PRSS56: variants seen among roughly 807,000 people sequenced by gnomAD.
PRSS56 encodes protease, serine 56.
PRSS56 carries 55 observed loss-of-function variants against 66.8 expected under a neutral mutation model. That is an observed-to-expected ratio of 0.82 (90% CI 0.66 to 1.03). The LOEUF is 1.03. Ranked by LOEUF, PRSS56 falls within the 50% of genes least tolerant of loss-of-function variation. PRSS56 has a pLI of 0.00. For synonymous variants in PRSS56, 409 were observed against 387.9 expected, an observed-to-expected ratio of 1.05 and a Z score of -0.64; for missense variants, 869 against 837.2, an observed-to-expected ratio of 1.04 and a Z score of -0.47.
At position 232,525,617 on chromosome 2, in the gene PRSS56, G is replaced by A. The variant is rs1691416004; in HGVS notation, c.*111G>A. 1 of 695,000 alleles carries A rather than the reference G, an allele frequency of 1.4e-6. No homozygotes were observed. The highest frequency in any genetic ancestry group is 3.0e-5 in the East Asian group (1 of 32,976). 43.1% of individuals were successfully genotyped at this position (695,000 alleles called of 1,614,324 possible). ...CTGCCCCAGTGGCTGGGTGTGTGTG[G>A]GTGGGATGGGGTGGGGGTCCTGGGC... On this transcript the variant is annotated 3_prime_UTR_variant, in exon 13 of 13. Transcript: ENST00000617714.
chr2:232,523,424 G>C lies in PRSS56; in HGVS notation c.858G>C (p.Ser286=), dbSNP rs1574623495. The change falls in exon 8 of 13, where the codon TCG becomes TCC. Residue 286 remains serine, a synonymous_variant. Coordinates refer to ENST00000617714, the MANE Select transcript of PRSS56 (RefSeq NM_001195129.2). ...CTCTCTTGGCCCCGCAGGGTGACTC[G>C]GGAGGCCCCCTGACCTGTTCTGAGC... is the stretch of plus-strand genomic sequence containing the variant. ...AGGVDSCQGD[S]GGPLTCSEPG... 3.5e-6 allele frequency: 5 copies of C among 1,445,216 alleles called. No homozygotes were observed. Among genetic ancestry groups the C allele is most frequent in the Non-Finnish European group, 4.5e-6 (5 of 1,102,286 alleles). The allele number at this position is 1,445,216 out of a possible 1,614,324, so 89.5% of individuals were successfully genotyped here.
At chr2:232,523,286 A>G (rs935373968) in intron 7 of PRSS56, 84 bp downstream of exon 7, 1 of 1,419,710 alleles carries the variant, frequency 7.0e-7, no homozygotes, top group Non-Finnish European at 9.2e-7. Flanking sequence ...TCTGTCTGTC[A>G]CTCGACTTCT....
Position 232,523,187 on chromosome 2 carries a change from C to T in PRSS56, c.834C>T (p.Gly278=), listed in dbSNP as rs1691323958. ...TMLCAGYLAG[G]VDSCQGDSGG... is the part of the protein sequence containing the mutation. ...TCTGCGCCGGGTACCTGGCGGGGGGCGTTGACTCGTGCCAGGTATGAACCC... is the reference window on the plus strand; with the variant it reads ...TCTGCGCCGGGTACCTGGCGGGGGGTGTTGACTCGTGCCAGGTATGAACCC... Residue 278 remains glycine, a synonymous_variant, in exon 7 of 13, where the codon GGC becomes GGT. Transcript: ENST00000617714. The T allele has an allele frequency of 4.1e-6, 6 of 1,475,552 alleles. No individual in the cohort carries two copies. Among genetic ancestry groups the T allele is most frequent in the African/African-American group, 1.4e-5 (1 of 70,802 alleles). 91.4% of individuals were successfully genotyped at this position (1,475,552 alleles called of 1,614,324 possible).
At position 232,520,701 on chromosome 2, in the gene PRSS56, T is replaced by C. The variant is rs1361112934; in HGVS notation, c.97+6T>C. The C allele has an allele frequency of 1.3e-6, 2 of 1,519,024 alleles. No homozygotes were observed. The highest frequency in any genetic ancestry group is 2.5e-5 in the East Asian group (1 of 40,508). The allele number at this position is 1,519,024 out of a possible 1,614,324, so 94.1% of individuals were successfully genotyped here. A position where few individuals can be genotyped will look rare whatever the true frequency, so the allele number is the denominator to read the frequency against. ...GCCCCCCAGCGCCCTGCAAGGTAAG[T>C]CCAGGCTGGCCCGAGAGCCGCGGGG... On this transcript the variant is annotated splice_donor_region_variant and intron_variant, in intron 1 of 12. Coordinates refer to ENST00000617714, the MANE Select transcript of PRSS56 (RefSeq NM_001195129.2).
chr2:232,523,365 A>G lies in PRSS56; in HGVS notation c.850-51A>G, dbSNP rs1691328078. 5 of 1,427,676 alleles carry G rather than the reference A, an allele frequency of 3.5e-6. No homozygotes were observed. In the Admixed American group the frequency reaches 8.8e-5, roughly 25 times the overall value. The allele number at this position is 1,427,676 out of a possible 1,614,324, so 88.4% of individuals were successfully genotyped here. On this transcript the variant is annotated intron_variant, in intron 7 of 12. Transcript: ENST00000617714. ...AGCTCACACCTGCCAGGCGTAAGGC[A>G]GGCGTCATAGGGGGCAGGTGAATGC...
In PRSS56 at chr2:232,524,312, C is replaced by T. The variant is rs1385205340; in HGVS notation, c.1357C>T (p.Arg453Trp). 6.5e-7 allele frequency: 1 copy of T among 1,535,730 alleles called. No individual in the cohort carries two copies. Among genetic ancestry groups the T allele is most frequent in the Admixed American group, 2.0e-5 (1 of 50,994 alleles). ...ARELRLHSGS[R>W]AAGTRFPKRR... ...CTAACCCTGTGCCTCCCCAGGATCG[C>T]GGGCTGCAGGCACTCGGTTCCCGAA... The change falls in exon 11 of 13, where the codon CGG (arginine) becomes TGG (tryptophan). Residue 453 changes from arginine to tryptophan, a missense_variant. Physicochemically the swap from Arg to Trp is moderately radical, Grantham distance 101 (BLOSUM62 -3). Transcript: ENST00000617714.
At position 232,523,188 on chromosome 2, in the gene PRSS56, G is replaced by A. The variant is rs561437909; in HGVS notation, c.835G>A (p.Val279Ile). Residue 279 changes from valine (V) to isoleucine (I), a missense_variant, in exon 7 of 13, where the codon GTT becomes ATT. Transcript: ENST00000617714. Reference protein sequence around the residue: ...MLCAGYLAGGVDSCQGDSGGP... With the variant: ...MLCAGYLAGGIDSCQGDSGGP... Reference sequence around the variant, plus strand: ...CTGCGCCGGGTACCTGGCGGGGGGCGTTGACTCGTGCCAGGTATGAACCCA... The same window carrying A: ...CTGCGCCGGGTACCTGGCGGGGGGCATTGACTCGTGCCAGGTATGAACCCA... The A allele has an allele frequency of 7.5e-6, 11 of 1,473,686 alleles. No individual in the cohort carries two copies. The highest frequency in any genetic ancestry group is 7.1e-5 in the African/African-American group (5 of 70,872). 91.3% of individuals were successfully genotyped at this position (1,473,686 alleles called of 1,614,324 possible).
In PRSS56 at chr2:232,523,518, A is replaced by C; in HGVS notation, c.952A>C (p.Lys318Gln). The change falls in exon 8 of 13, where the codon AAG (lysine) becomes CAG (glutamine). Residue 318 changes from lysine (K) to glutamine (Q), a missense_variant. Lys to Gln is a moderately conservative substitution (Grantham distance 53). This residue lies in a region of PRSS56 where 551 missense variants were observed against 506.9 expected (regional missense o/e 1.09). Transcript: ENST00000617714. The stretch of plus-strand genomic sequence containing the variant: ...GGGGGACGGCTGCGGGGAGCCAGGG[A>C]AGCCCGGGGTCTACACCCGCGTGGC... ...SWGDGCGEPGKPGVYTRVAVF... is the reference protein window; with the variant it reads ...SWGDGCGEPGQPGVYTRVAVF... 1 of 1,532,736 alleles carries C rather than the reference A, an allele frequency of 6.5e-7. No homozygotes were observed. Among genetic ancestry groups the C allele is most frequent in the South Asian group, 1.2e-5 (1 of 83,568 alleles). The allele number at this position is 1,532,736 out of a possible 1,614,324, so 94.9% of individuals were successfully genotyped here. A position where few individuals can be genotyped will look rare whatever the true frequency, so the allele number is the denominator to read the frequency against.
intron 10 of PRSS56, 43 bp from the exon 11 acceptor site, chr2:232,524,264 A>G (rs1377615807): frequency 3.3e-6 from 5 of 1,534,894 alleles, no homozygotes; most frequent in Non-Finnish European, 4.4e-6. Context: ...CGGCACAGCC[A>G]CTTTCTCCGC....
At chr2:232,523,325 T>C in intron 7 of PRSS56, 91 bp from the exon 8 acceptor site, 3 of 1,422,504 alleles carry the variant, frequency 2.1e-6, no homozygotes, top group Non-Finnish European at 2.8e-6. Flanking sequence ...ATCCCTAAAA[T>C]GGACACAAGT....
chr2:232,524,082 C>A lies in PRSS56; in HGVS notation c.1230C>A (p.Asn410Lys), dbSNP rs980797762. ...ACACGCTGCTGGGCCTGCTGCGGAA[C>A]GCGCAGGAGCTGCTCGGGCCTCGTC... ...LAHTLLGLLR[N>K]AQELLGPRPG... The change falls in exon 10 of 13, where the codon AAC becomes AAA. Residue 410 changes from asparagine to lysine, a missense_variant. Around this residue, in one of 3 missense-constraint regions of PRSS56, gnomAD observed 551 missense variants for 506.9 expected, o/e 1.09. Transcript: ENST00000617714. 3 of 1,523,254 alleles carry A rather than the reference C, an allele frequency of 2.0e-6. No individual in the cohort carries two copies. In the East Asian group the frequency reaches 7.6e-5, roughly 39 times the overall value. 94.4% of individuals were successfully genotyped at this position (1,523,254 alleles called of 1,614,324 possible).
In PRSS56 at chr2:232,524,758, C is replaced by G. The variant is rs894380888; in HGVS notation, c.1435C>G (p.Leu479Val). 1 of 1,529,902 alleles carries G rather than the reference C, an allele frequency of 6.5e-7. No individual in the cohort carries two copies. Among genetic ancestry groups the G allele is most frequent in the East Asian group, 2.5e-5 (1 of 40,650 alleles). 94.8% of individuals were successfully genotyped at this position (1,529,902 alleles called of 1,614,324 possible). ...EANGCPGLEP[L>V]RQKLAALQGA... ...TCCAGGCTGCCCTGGGCTGGAGCCCCTGCGACAGAAGTTGGCTGCCCTGCA... is the reference window on the plus strand; with the variant it reads ...TCCAGGCTGCCCTGGGCTGGAGCCCGTGCGACAGAAGTTGGCTGCCCTGCA... Residue 479 changes from leucine (L) to valine (V), a missense_variant, in exon 12 of 13, where the codon CTG becomes GTG. By Grantham distance (32) the Leu-to-Val change is conservative (BLOSUM62 1). This residue lies in a region of PRSS56 where 551 missense variants were observed against 506.9 expected (regional missense o/e 1.09). Transcript: ENST00000617714.
Position 232,522,540 on chromosome 2 carries a change from G to C in PRSS56, c.472G>C (p.Val158Leu), listed in dbSNP as rs1278436508. The C allele has an allele frequency of 2.0e-6, 3 of 1,534,762 alleles. No homozygotes were observed. The African/African-American group carries it at 4.1e-5, about 21-fold the overall frequency. Residue 158 changes from valine (V) to leucine (L), a missense_variant, in exon 5 of 13, where the codon GTG becomes CTG. This residue lies in a region of PRSS56 where 315 missense variants were observed against 313.7 expected (regional missense o/e 1.00). Coordinates refer to ENST00000617714, the MANE Select transcript of PRSS56 (RefSeq NM_001195129.2). The stretch of plus-strand genomic sequence containing the variant: ...CGCCCCGAATGAGCTTCTGTGGACT[G>C]TGACGCTGGCAGAGGGGTCCCGGGG... ...VGAPNELLWT[V>L]TLAEGSRGEQ...
intron 4 of PRSS56, 73 bp downstream of exon 4, chr2:232,522,233 C>T: frequency 7.7e-7 from 1 of 1,304,326 alleles, no homozygotes; most frequent in South Asian, 1.8e-5. Flanking sequence ...GGTTGTCCGG[C>T]GGGCGACGCG....
intron 7 of PRSS56, 87 bp downstream of exon 7, chr2:232,523,289 C>T: frequency 7.0e-7 from 1 of 1,421,480 alleles, no homozygotes; most frequent in Non-Finnish European, 9.2e-7. Context: ...GTCTGTCACT[C>T]GACTTCTCTG....
At position 232,523,548 on chromosome 2, in the gene PRSS56, T is replaced by G. The variant is rs978703768; in HGVS notation, c.982T>G (p.Phe328Val). ...CGGGGTCTACACCCGCGTGGCAGTG[T>G]TCAAGGACTGGCTCCAGGAGCAGAT... Reference protein sequence around the residue: ...KPGVYTRVAVFKDWLQEQMSA... With the variant: ...KPGVYTRVAVVKDWLQEQMSA... Residue 328 changes from phenylalanine to valine, a missense_variant, in exon 8 of 13, where the codon TTC becomes GTC. Phe to Val is a conservative substitution (Grantham distance 50). This residue lies in a region of PRSS56 where 551 missense variants were observed against 506.9 expected (regional missense o/e 1.09). Coordinates refer to ENST00000617714, the MANE Select transcript of PRSS56 (RefSeq NM_001195129.2). 6.5e-7 allele frequency: 1 copy of G among 1,531,486 alleles called. No homozygotes were observed. The highest frequency in any genetic ancestry group is 1.4e-5 in the African/African-American group (1 of 72,884). The allele number at this position is 1,531,486 out of a possible 1,614,324, so 94.9% of individuals were successfully genotyped here.
chr2:232,524,421 C>T (rs371074597), intron 11 of PRSS56, 52 bp downstream of exon 11: 2 of 1,508,136 alleles, frequency 1.3e-6, no homozygotes, highest in South Asian at 1.2e-5. Context: ...AGGGCCTGGA[C>T]GAGGTCGGAA....
intron 5 of PRSS56, 24 bp from the exon 6 acceptor site, chr2:232,522,678 C>T: frequency 1.3e-6 from 2 of 1,533,586 alleles, no homozygotes; most frequent in Non-Finnish European, 1.7e-6. Context: ...CTTCCTTGAC[C>T]CTGCGCCGCC....
chr2:232,522,617 G>A lies in PRSS56; in HGVS notation c.546+3G>A, dbSNP rs1279667581. On this transcript the variant is annotated splice_donor_region_variant and intron_variant, in intron 5 of 12. Transcript: ENST00000617714. ...ACCGCATCCTGCCCCACCCCAAGGTGAGAAGGCAGTCCCCAGGCCCCCAAG... is the reference window on the plus strand; with the variant it reads ...ACCGCATCCTGCCCCACCCCAAGGTAAGAAGGCAGTCCCCAGGCCCCCAAG... 6.5e-7 allele frequency: 1 copy of A among 1,535,058 alleles called. No individual in the cohort carries two copies. The highest frequency in any genetic ancestry group is 8.7e-7 in the Non-Finnish European group (1 of 1,146,346).
Sources: allele counts gnomAD v4.1 joint callset, GRCh38; gene constraint gnomAD v4.1.1; regional missense constraint gnomAD v4.1.1; transcripts MANE v1.5; gene names NCBI Gene and HGNC (gene_info 2026-07-23, HGNC 2026-07-21).